PRORP: variants seen among roughly 807,000 people sequenced by gnomAD.
PRORP encodes mitochondrial ribonuclease P catalytic subunit.
A neutral mutation model predicts 59.4 loss-of-function variants in PRORP; 51 were observed. The ratio of observed to expected loss-of-function variants is 0.86; its 90% CI spans 0.69 to 1.08. The LOEUF (loss-of-function observed/expected upper bound fraction) is 1.08. PRORP is among the 50% of genes least tolerant of loss of function. The pLI is 0.00. For synonymous variants in PRORP, 231 were observed against 245.6 expected, an observed-to-expected ratio of 0.94 and a Z score of 0.55; for missense variants, 646 against 690.3, an observed-to-expected ratio of 0.94 and a Z score of 0.72.
intron 4 of PRORP, among the ~76,000 whole-genome samples, chr14:35,130,815 T>A (rs989723983): frequency 9.2e-5 from 14 of 152,024 alleles, no homozygotes; most frequent in Admixed American, 2.6e-4. Flanking sequence ...TTTTTTTTTT[T>A]TAAATATAGA....
At chr14:35,161,556 A>G (rs570278570) in intron 4 of PRORP, among the ~76,000 whole-genome samples, 60 of 152,250 alleles carry the variant, frequency 3.9e-4, no homozygotes, top group African/African-American at 9.6e-4. Flanking sequence ...TGGGGTTTGC[A>G]GGACTCAGGC....
intron 5 of PRORP, among the ~76,000 whole-genome samples, chr14:35,231,563 T>C (rs898060964): frequency 6.6e-6 from 1 of 152,164 alleles, no homozygotes; most frequent in Admixed American, 6.5e-5. Context: ...AGAAAACATA[T>C]GGTTAGTAAG....
intron 5 of PRORP, among the ~76,000 whole-genome samples, chr14:35,196,168 T>G (rs9783661): frequency 0.57 from 87,231 of 151,956 alleles, 25,447 homozygotes; most frequent in East Asian, 0.73. Context: ...AACTAATCAG[T>G]TAGCAGCATT....
chr14:35,145,683 G>A (rs1382070859), intron 4 of PRORP, among the ~76,000 whole-genome samples: 2 of 140,576 alleles, frequency 1.4e-5, no homozygotes, highest in Admixed American at 1.5e-4. Context: ...TCGCGCCACT[G>A]CACTCCAGCC....
intron 4 of PRORP, among the ~76,000 whole-genome samples, chr14:35,179,377 A>G (rs1267100298): frequency 6.6e-6 from 1 of 152,200 alleles, no homozygotes; most frequent in African/African-American, 2.4e-5. Flanking sequence ...AGGTACACCA[A>G]TCAGACATAG....
chr14:35,177,178 A>G (rs1038244247), intron 4 of PRORP, among the ~76,000 whole-genome samples: 2 of 136,716 alleles, frequency 1.5e-5, no homozygotes, highest in African/African-American at 5.4e-5. Context: ...ATCGATGTTC[A>G]TCTGGGATAT....
At chr14:35,213,127 G>T (rs768762864) in intron 5 of PRORP, among the ~76,000 whole-genome samples, 2 of 152,150 alleles carry the variant, frequency 1.3e-5, no homozygotes, top group African/African-American at 2.4e-5. Context: ...AGAGTTTAGG[G>T]CCTTGCTCTG....
At chr14:35,233,391 A>C (rs537037931) in intron 5 of PRORP, among the ~76,000 whole-genome samples, 1 of 149,164 alleles carries the variant, frequency 6.7e-6, no homozygotes, top group African/African-American at 2.4e-5. Flanking sequence ...GTGCACAGCC[A>C]GCTTAGTTCT....
chr14:35,211,522 T>C (rs541150840), intron 5 of PRORP, among the ~76,000 whole-genome samples: 1 of 152,200 alleles, frequency 6.6e-6, no homozygotes, highest in Non-Finnish European at 1.5e-5. Context: ...TGCAGAGATA[T>C]TGCAAGTTTG....
chr14:35,165,582 A>AT (rs958559296), intron 4 of PRORP, among the ~76,000 whole-genome samples: 2 of 151,958 alleles, frequency 1.3e-5, no homozygotes, highest in African/African-American at 2.4e-5. Context: ...AGTGTGTAGG[A>AT]TTTTTTTCTT....
rs532233118 is a variant in PRORP, at chr14:35,136,452, G to A, written c.1167+8841G>A. ...TGCAATGGCGCAATCTCTGCTTACCGCAACCTCCGCCTCTCGGGTTTAAGC... is the reference window on the plus strand; with the variant it reads ...TGCAATGGCGCAATCTCTGCTTACCACAACCTCCGCCTCTCGGGTTTAAGC... On this transcript the variant is annotated intron_variant, in intron 4 of 7. Transcript: ENST00000534898. 8.1e-4 allele frequency among the ~76,000 whole-genome samples: 119 copies of A among 146,820 alleles called. 1 individual carries two copies. Among genetic ancestry groups the A allele is most frequent in the African/African-American group, 2.8e-3 (115 of 41,148 alleles).
chr14:35,157,892 A>G (rs2047956942), intron 4 of PRORP: 1 of 167,416 alleles, frequency 6.0e-6, no homozygotes, highest in Non-Finnish European at 1.3e-5. Context: ...GTAACTATTG[A>G]TCAATAGTTT....
In PRORP at chr14:35,273,812, T is replaced by C; in HGVS notation, c.*246T>C. 3.7e-6 allele frequency: 1 copy of C among 273,324 alleles called. No homozygotes were observed. The highest frequency in any genetic ancestry group is 6.8e-6 in the Non-Finnish European group (1 of 146,468). 16.9% of individuals were successfully genotyped at this position (273,324 alleles called of 1,614,324 possible). The stretch of plus-strand genomic sequence containing the variant: ...GGAGAACTTAGTGTAGAGCAAAACC[T>C]GCATTTCTCCTACTGGGCCAGCTAT... On this transcript the variant is annotated 3_prime_UTR_variant, in exon 8 of 8. Coordinates refer to ENST00000534898, the MANE Select transcript of PRORP (RefSeq NM_014672.4).
At chr14:35,127,906 G>A (rs771247350) in intron 4 of PRORP, among the ~76,000 whole-genome samples, 2 of 152,118 alleles carry the variant, frequency 1.3e-5, no homozygotes, top group Non-Finnish European at 2.9e-5. Context: ...AGAATAATTG[G>A]GTTAGACCAT....
At chr14:35,201,329 G>C (rs954704287) in intron 5 of PRORP, among the ~76,000 whole-genome samples, 5 of 152,158 alleles carry the variant, frequency 3.3e-5, no homozygotes, top group African/African-American at 1.2e-4. Flanking sequence ...TAAAGAGCTG[G>C]CGGGAGGAGT....
rs908762772 is a variant in PRORP, at chr14:35,274,465, T to G, written c.*899T>G. 1 of 152,030 alleles carries G rather than the reference T, an allele frequency of 6.6e-6. No homozygotes were observed. The highest frequency in any genetic ancestry group is 6.6e-5 in the Admixed American group (1 of 15,246). The allele number at this position is 152,030 out of a possible 1,614,324, so 9.4% of individuals were successfully genotyped here. ...GAGTTCAAGACCAGCCTAGGCAACATAGTAAGATCTCATTTCTACAAAAAA... is the reference window on the plus strand; with the variant it reads ...GAGTTCAAGACCAGCCTAGGCAACAGAGTAAGATCTCATTTCTACAAAAAA... On this transcript the variant is annotated 3_prime_UTR_variant, in exon 8 of 8. Coordinates refer to ENST00000534898, the MANE Select transcript of PRORP (RefSeq NM_014672.4).
Position 35,276,705 on chromosome 14 carries a change from CT to C in PRORP, c.*3141del, listed in dbSNP as rs997559136. ...GAGGAATTATTTTAAAAGCTGTACT[CT>C]TAAATTGTTAGTATCTTTAAAATCA... is the stretch of plus-strand genomic sequence containing the variant. On this transcript the variant is annotated 3_prime_UTR_variant, in exon 8 of 8. Transcript: ENST00000534898. 7 of 152,122 alleles carry C rather than the reference CT, an allele frequency of 4.6e-5. No homozygotes were observed. Among genetic ancestry groups the C allele is most frequent in the African/African-American group, 1.7e-4 (7 of 41,440 alleles). 9.4% of individuals were successfully genotyped at this position (152,122 alleles called of 1,614,324 possible).
At chr14:35,259,354 T>G (rs978620103) in intron 5 of PRORP, among the ~76,000 whole-genome samples, 7 of 151,398 alleles carry the variant, frequency 4.6e-5, no homozygotes, top group African/African-American at 1.7e-4. Context: ...TTGAAGTGAG[T>G]TTTTTTTTAG....
intron 5 of PRORP, among the ~76,000 whole-genome samples, chr14:35,204,874 C>T (rs1464320250): frequency 6.6e-6 from 1 of 152,204 alleles, no homozygotes; most frequent in East Asian, 1.9e-4. Context: ...TTGTTTTTCA[C>T]TAACATTTAT....
Sources: allele counts gnomAD v4.1 joint callset (sites outside exome capture counted in the v4.1 genomes callset), GRCh38; gene constraint gnomAD v4.1.1; transcripts MANE v1.5; gene names NCBI Gene and HGNC (gene_info 2026-07-23, HGNC 2026-07-21).